Variants in FGF6 observed in about 807,000 individuals in gnomAD.
FGF6 encodes fibroblast growth factor 6, also known as FGF-6.
FGF6 carries 14 observed loss-of-function variants against 18.4 expected under a neutral mutation model. The ratio of observed to expected loss-of-function variants is 0.76; its 90% CI spans 0.50 to 1.19. FGF6 has a LOEUF of 1.19. Among genes scored for constraint, FGF6 ranks in the 50% most tolerant of loss-of-function variants. FGF6 has a pLI of 0.00. For synonymous variants in FGF6, 125 were observed against 116.7 expected (o/e 1.07, Z -0.46); for missense variants, 266 against 271.6 (o/e 0.98, Z 0.15).
rs186761090 is a variant in FGF6 at position 4,434,257 on chromosome 12, C to T, written c.585G>A (p.Val195=). 20 of 1,614,042 alleles carry T rather than the reference C, an allele frequency of 1.2e-5. No homozygotes were observed. Among genetic ancestry groups the T allele is most frequent in the Non-Finnish European group, 8.5e-7 (1 of 1,180,044 alleles). ...AATGAGTGACAGTCATGATCGGGGA[C>T]ACCTTGCTGCCCCGCTTTACCCGTC... The part of the protein sequence containing the change: ...KYGRVKRGSK[V]SPIMTVTHFL... The change falls in exon 3 of 3, where the codon GTG becomes GTA. Residue 195 remains valine, a synonymous_variant. Coordinates refer to ENST00000228837, the MANE Select transcript of FGF6 (RefSeq NM_020996.3).
intron 2 of FGF6, among the ~76,000 whole-genome samples, chr12:4,441,327 G>A (rs932426770): frequency 1.3e-5 from 2 of 152,176 alleles, no homozygotes; most frequent in Admixed American, 6.5e-5. Flanking sequence ...AACTCGGGTC[G>A]CGGAGCCCTG....
At chr12:4,436,673 T>C (rs1427194091) in intron 2 of FGF6, among the ~76,000 whole-genome samples, 1 of 152,106 alleles carries the variant, frequency 6.6e-6, no homozygotes, top group Non-Finnish European at 1.5e-5. Context: ...GACCCCTGCA[T>C]GGGTGGCTCT....
intron 2 of FGF6, among the ~76,000 whole-genome samples, chr12:4,439,071 G>A (rs1865657324): frequency 6.6e-6 from 1 of 152,212 alleles, no homozygotes; most frequent in Admixed American, 6.5e-5. Flanking sequence ...TCAAGACAAT[G>A]GTGGGAGTGA....
At chr12:4,442,413 A>C (rs1865702739) in intron 2 of FGF6, among the ~76,000 whole-genome samples, 1 of 152,096 alleles carries the variant, frequency 6.6e-6, no homozygotes, top group Non-Finnish European at 1.5e-5. Flanking sequence ...AATTTCCTCT[A>C]TATTTGTGCA....
In FGF6 at chr12:4,445,735, G is replaced by C; in HGVS notation, c.-165C>G. The C allele has an allele frequency of 1.6e-6, 1 of 636,614 alleles. No individual in the cohort carries two copies. The highest frequency in any genetic ancestry group is 2.8e-5 in the East Asian group (1 of 36,158). The allele number at this position is 636,614 out of a possible 1,614,324, so 39.4% of individuals were successfully genotyped here. ...ATCGGGCACTCGGGTTGAGAGCAGA[G>C]GGACCCAGGCTGAGCCGCGGCCGGT... On this transcript the variant is annotated 5_prime_UTR_variant, in exon 1 of 3. Coordinates refer to ENST00000228837, the MANE Select transcript of FGF6 (RefSeq NM_020996.3). The surrounding 1 kb of genome is among the most constrained non-coding windows in gnomAD (Gnocchi z 5.5).
In FGF6 at chr12:4,440,235, A is replaced by G. The variant is rs181336242; in HGVS notation, c.450+3898T>C. 1.2e-3 allele frequency among the ~76,000 whole-genome samples: 179 copies of G among 152,344 alleles called. 1 individual carries two copies. The highest frequency in any genetic ancestry group is 4.1e-3 in the African/African-American group (169 of 41,588). ...TGTAGGTCTATTCAGACTTATGTGC[A>G]TTTGGCACTCACTATGGAGAAGGGC... is the stretch of plus-strand genomic sequence containing the variant. On this transcript the variant is annotated intron_variant, in intron 2 of 2. Transcript: ENST00000228837.
At chr12:4,441,882 G>A (rs1200859963) in intron 2 of FGF6, among the ~76,000 whole-genome samples, 1 of 152,080 alleles carries the variant, frequency 6.6e-6, no homozygotes, top group Non-Finnish European at 1.5e-5. Flanking sequence ...GGGCGGAGAG[G>A]GAGGGGTAGA....
intron 2 of FGF6, among the ~76,000 whole-genome samples, 191 bp from the exon 3 acceptor site, chr12:4,434,582 C>T (rs1195348512): frequency 1.3e-5 from 2 of 152,062 alleles, no homozygotes; most frequent in African/African-American, 4.8e-5. Flanking sequence ...AGGCTGCAGG[C>T]TCTCATGGTT....
At chr12:4,440,751 C>A (rs573700493) in intron 2 of FGF6, among the ~76,000 whole-genome samples, 2 of 152,348 alleles carry the variant, frequency 1.3e-5, no homozygotes, top group Admixed American at 6.5e-5. Context: ...GCATGCACCT[C>A]CCGCTGCTCT....
intron 2 of FGF6, among the ~76,000 whole-genome samples, chr12:4,438,775 AAAAG>A (rs1163893384): frequency 6.6e-6 from 1 of 150,854 alleles, no homozygotes; most frequent in African/African-American, 2.4e-5. Context: ...AAAAAAAAAA[AAAAG>A]AGGAGTAACT....
In FGF6 at chr12:4,444,235, G is replaced by T. The variant is rs771531962; in HGVS notation, c.348C>A (p.Ser116Arg). The change falls in exon 2 of 3, where the codon AGC becomes AGA. Residue 116 changes from serine to arginine, a missense_variant and splice_region_variant. By Grantham distance (110) the Ser-to-Arg change is moderately radical (BLOSUM62 -1). Coordinates refer to ENST00000228837, the MANE Select transcript of FGF6 (RefSeq NM_020996.3). ...ISGTHEENPY[S>R]LLEISTVERG... ...GCTCCACAGTGGAAATTTCCAGCAG[G>T]CCTGACAAGGAAAGGGGGGCCACAT... The T allele has an allele frequency of 3.1e-5, 50 of 1,609,576 alleles. No homozygotes were observed. The Admixed American group carries it at 7.7e-4, about 25-fold the overall frequency.
intron 2 of FGF6, among the ~76,000 whole-genome samples, chr12:4,435,237 G>A (rs1035223180): frequency 2.0e-5 from 3 of 151,960 alleles, no homozygotes; most frequent in South Asian, 2.1e-4. Context: ...GTGGGTGAGC[G>A]AAGCTTCATT....
intron 2 of FGF6, among the ~76,000 whole-genome samples, chr12:4,440,069 C>T (rs1388289790): frequency 2.0e-5 from 3 of 152,188 alleles, no homozygotes; most frequent in Non-Finnish European, 2.9e-5. Flanking sequence ...TGGTGAAGAA[C>T]GCACTCGAGC....
In FGF6 at chr12:4,434,161, A is replaced by C; in HGVS notation, c.*54T>G. The C allele has an allele frequency of 6.3e-7, 1 of 1,591,614 alleles. No individual in the cohort carries two copies. The highest frequency in any genetic ancestry group is 8.6e-7 in the Non-Finnish European group (1 of 1,162,834). Reference sequence around the variant, plus strand: ...CAAGGGGAATTCTTCGCTGGTGCAAAATTTCAATCGAACAGATGATGCTTT... The same window carrying C: ...CAAGGGGAATTCTTCGCTGGTGCAACATTTCAATCGAACAGATGATGCTTT... On this transcript the variant is annotated 3_prime_UTR_variant, in exon 3 of 3. Transcript: ENST00000228837.
rs751564175 is a variant in FGF6 at position 4,445,805 on chromosome 12, C to T, written c.-235G>A. Among the ~76,000 whole-genome samples the T allele has an allele frequency of 1.3e-5, 2 of 152,142 alleles. No homozygotes were observed. The highest frequency in any genetic ancestry group is 2.4e-5 in the African/African-American group (1 of 41,424). ...CGCTCTCTAGCTCGCCCGCTTGCTCCGTCCCTAGTTGATGATATTTGATTT... is the reference window on the plus strand; with the variant it reads ...CGCTCTCTAGCTCGCCCGCTTGCTCTGTCCCTAGTTGATGATATTTGATTT... On this transcript the variant is annotated 5_prime_UTR_variant, in exon 1 of 3. Transcript: ENST00000228837. This position sits in a 1 kb window ranked among gnomAD's most constrained non-coding sequence, Gnocchi z 5.5.
At chr12:4,443,322 G>C (rs1301377165) in intron 2 of FGF6, among the ~76,000 whole-genome samples, 2 of 152,166 alleles carry the variant, frequency 1.3e-5, no homozygotes, top group Non-Finnish European at 2.9e-5. Context: ...TTTGAGGCCT[G>C]CTCTGAGGTC....
chr12:4,439,803 G>T lies in FGF6; in HGVS notation c.450+4330C>A, dbSNP rs554613355. 1.2e-3 allele frequency among the ~76,000 whole-genome samples: 179 copies of T among 152,150 alleles called. 1 individual carries two copies. The highest frequency in any genetic ancestry group is 4.1e-3 in the African/African-American group (169 of 41,490). On this transcript the variant is annotated intron_variant, in intron 2 of 2. Transcript: ENST00000228837. ...AAAGTGAAAAAAGACAACTAGTAGA[G>T]GAAGCTTGTGTTAGAAGCCCTAACC...
chr12:4,440,037 G>A (rs1191373080), intron 2 of FGF6, among the ~76,000 whole-genome samples: 3 of 152,176 alleles, frequency 2.0e-5, no homozygotes, highest in East Asian at 3.8e-4. Flanking sequence ...CTCATGGCTT[G>A]GGAATGTTGG....
rs764048153 is a variant in FGF6 at position 4,445,591 on chromosome 12, G to A, written c.-21C>T. 3.9e-6 allele frequency: 6 copies of A among 1,549,340 alleles called. No homozygotes were observed. Among genetic ancestry groups the A allele is most frequent in the Middle Eastern group, 1.7e-4 (1 of 5,814 alleles). On this transcript the variant is annotated 5_prime_UTR_variant, in exon 1 of 3. The change creates a new upstream start codon in the 5' untranslated region. Transcript: ENST00000228837. The surrounding 1 kb of genome is among the most constrained non-coding windows in gnomAD (Gnocchi z 5.5). ...GCCATCCACCTTGCCTCTCAGGCAC[G>A]TGGTCAGAATTAATGGCCCTAAAAA...
Sources: allele counts gnomAD v4.1 joint callset (sites outside exome capture counted in the v4.1 genomes callset), GRCh38; gene constraint gnomAD v4.1.1; non-coding constraint Gnocchi (gnomAD v3.1); transcripts MANE v1.5; gene names NCBI Gene and HGNC (gene_info 2026-07-23, HGNC 2026-07-21).